FOXO3: variants seen among roughly 807,000 people sequenced by gnomAD.
FOXO3 encodes forkhead box O3, also known as forkhead box protein O3.
A neutral mutation model predicts 41.9 loss-of-function variants in FOXO3; 4 were observed. The observed-to-expected ratio is 0.10, with a 90% confidence interval of 0.05 to 0.22. FOXO3 has a LOEUF of 0.22. Among genes scored for constraint, FOXO3 ranks in the 10% least tolerant of loss-of-function variants. FOXO3 has a pLI of 1.00. For synonymous variants in FOXO3, 318 were observed against 389.3 expected (o/e 0.82, Z 2.16); for missense variants, 534 against 906.8 (o/e 0.59, Z 5.28).
Position 108,672,703 on chromosome 6 carries a change from C to T in FOXO3, c.*35-7124C>T, listed in dbSNP as rs564910344. Among the ~76,000 whole-genome samples the T allele has an allele frequency of 1.1e-4, 16 of 152,118 alleles. No individual in the cohort carries two copies. In the South Asian group the frequency reaches 2.5e-3, roughly 24 times the overall value. On this transcript the variant is annotated intron_variant, in intron 2 of 2. Transcript: ENST00000406360. Reference sequence around the variant, plus strand: ...TTGATTGAAGGTTTGGATGTCAGTACGTCTCCTCTCTCTCCCTCCCTCTCC... The same window carrying T: ...TTGATTGAAGGTTTGGATGTCAGTATGTCTCCTCTCTCTCCCTCCCTCTCC...
chr6:108,600,117 G>T (rs72942504), intron 1 of FOXO3, among the ~76,000 whole-genome samples: 1 of 152,268 alleles, frequency 6.6e-6, no homozygotes, highest in Non-Finnish European at 1.5e-5. Context: ...AAGCTTCTGT[G>T]GCTGACCGCG....
chr6:108,591,801 T>C (rs1251961893), intron 1 of FOXO3, among the ~76,000 whole-genome samples: 1 of 152,180 alleles, frequency 6.6e-6, no homozygotes, highest in Non-Finnish European at 1.5e-5. Context: ...TTATAAGTTC[T>C]GATTACTTTG....
chr6:108,603,212 C>T (rs1326065597), intron 1 of FOXO3, among the ~76,000 whole-genome samples: 3 of 151,836 alleles, frequency 2.0e-5, no homozygotes. Flanking sequence ...GGTAGGATGA[C>T]TTCGATGAGG....
intron 1 of FOXO3, among the ~76,000 whole-genome samples, chr6:108,574,051 G>C (rs1309658519): frequency 6.6e-6 from 1 of 151,742 alleles, no homozygotes; most frequent in African/African-American, 2.4e-5. Flanking sequence ...TACTCTGGAG[G>C]CTGAGGCAGA....
chr6:108,626,785 A>G (rs1035702462), intron 1 of FOXO3, among the ~76,000 whole-genome samples: 1 of 152,192 alleles, frequency 6.6e-6, no homozygotes, highest in African/African-American at 2.4e-5. Context: ...GTAAACTTGG[A>G]TATAACTTAC....
chr6:108,613,541 T>G (rs1456649784), intron 1 of FOXO3, among the ~76,000 whole-genome samples: 1 of 152,226 alleles, frequency 6.6e-6, no homozygotes, highest in Non-Finnish European at 1.5e-5. Context: ...TGTTCTCTTA[T>G]TATCCTTTTA....
intron 1 of FOXO3, among the ~76,000 whole-genome samples, chr6:108,624,695 G>A (rs942985519): frequency 1.3e-5 from 2 of 152,072 alleles, no homozygotes; most frequent in Non-Finnish European, 1.5e-5. Context: ...TTTTTTCTAT[G>A]CATAAAAGTG....
chr6:108,619,752 T>C (rs1777615077), intron 1 of FOXO3, among the ~76,000 whole-genome samples: 1 of 152,242 alleles, frequency 6.6e-6, no homozygotes, highest in African/African-American at 2.4e-5. Flanking sequence ...AGGAAGCTAA[T>C]ACCCCTGATT....
intron 2 of FOXO3, among the ~76,000 whole-genome samples, chr6:108,670,974 TA>T (rs979281654): frequency 3.2e-4 from 48 of 152,262 alleles, no homozygotes; most frequent in African/African-American, 1.1e-3. Flanking sequence ...TAGAAGTGGG[TA>T]AAAAGGGTCC....
intron 2 of FOXO3, among the ~76,000 whole-genome samples, chr6:108,678,493 CTT>C (rs11417953): frequency 1.6e-3 from 229 of 143,642 alleles, no homozygotes; most frequent in African/African-American, 4.5e-3. Context: ...TATGAATATA[CTT>C]TTTTTTTTTT....
At chr6:108,624,939 T>C (rs1229955871) in intron 1 of FOXO3, among the ~76,000 whole-genome samples, 1 of 152,044 alleles carries the variant, frequency 6.6e-6, no homozygotes, top group African/African-American at 2.4e-5. Context: ...TCAGTGTTTT[T>C]TGTTTTGTTT....
chr6:108,582,560 T>C (rs190363901), intron 1 of FOXO3, among the ~76,000 whole-genome samples: 3 of 152,322 alleles, frequency 2.0e-5, no homozygotes, highest in Non-Finnish European at 4.4e-5. Flanking sequence ...GCATTTATTC[T>C]GGTTACCTTA....
chr6:108,591,104 G>A (rs774157110), intron 1 of FOXO3, among the ~76,000 whole-genome samples: 15 of 152,236 alleles, frequency 9.9e-5, no homozygotes, highest in Non-Finnish European at 1.9e-4. Flanking sequence ...GGAGATGGGG[G>A]CTCAGGAGTG....
chr6:108,677,898 G>A (rs1935951), intron 2 of FOXO3, among the ~76,000 whole-genome samples: 82,624 of 151,752 alleles, frequency 0.54, 26,466 homozygotes, highest in East Asian at 0.71. Context: ...ATAGTCCAAG[G>A]TAATATTATC....
intron 1 of FOXO3, among the ~76,000 whole-genome samples, chr6:108,635,254 C>T (rs1778091098): frequency 6.6e-6 from 1 of 151,908 alleles, no homozygotes; most frequent in Admixed American, 6.6e-5. Context: ...GAGATCACAC[C>T]ACTGTACTGT....
At chr6:108,561,862 C>G in intron 1 of FOXO3, 33 bp downstream of exon 1, 1 of 1,505,956 alleles carries the variant, frequency 6.6e-7, no homozygotes, top group Non-Finnish European at 8.9e-7. Flanking sequence ...CAGCAGGACC[C>G]GCCGGGCCTC....
At chr6:108,595,986 A>G (rs1776872496) in intron 1 of FOXO3, among the ~76,000 whole-genome samples, 1 of 152,170 alleles carries the variant, frequency 6.6e-6, no homozygotes. Flanking sequence ...ATTCTGTCAG[A>G]CTGCCCAGAT....
chr6:108,654,055 C>T (rs1427251012), intron 1 of FOXO3, among the ~76,000 whole-genome samples: 6 of 152,170 alleles, frequency 3.9e-5, no homozygotes, highest in Non-Finnish European at 8.8e-5. Context: ...ACTGTCATCT[C>T]GCTGACTGCA....
At chr6:108,657,279 T>C (rs1240353691) in intron 1 of FOXO3, among the ~76,000 whole-genome samples, 1 of 152,258 alleles carries the variant, frequency 6.6e-6, no homozygotes, top group Non-Finnish European at 1.5e-5. Flanking sequence ...CATTTGTCCC[T>C]GAAGCTGAAG....
Sources: gnomAD v4.1 joint callset for allele counts (sites outside exome capture counted in the v4.1 genomes callset) on GRCh38, gnomAD v4.1.1 for gene constraint, MANE v1.5 for transcripts, NCBI Gene and HGNC (gene_info 2026-07-23, HGNC 2026-07-21) for gene names.